Variants in SFI1 observed in about 807,000 individuals in gnomAD.
SFI1 encodes protein SFI1 homolog.
A neutral mutation model predicts 207.5 loss-of-function variants in SFI1; 195 were observed. The observed-to-expected ratio is 0.94, with a 90% confidence interval of 0.84 to 1.06. SFI1 has a LOEUF of 1.06. SFI1 is among the 50% of genes least tolerant of loss of function. The pLI is 0.00. For synonymous variants in SFI1, 630 were observed against 598.9 expected (o/e 1.05, Z -0.76); for missense variants, 1,634 against 1,588.0 (o/e 1.03, Z -0.49).
chr22:31,512,303 T>C (rs2055704286), intron 2 of SFI1, among the ~76,000 whole-genome samples: 1 of 148,762 alleles, frequency 6.7e-6, no homozygotes, highest in Admixed American at 6.8e-5. Context: ...TGCGGTAAGC[T>C]GAGATTGTGC....
intron 14 of SFI1, among the ~76,000 whole-genome samples, chr22:31,588,394 C>T (rs1444413419): frequency 6.6e-6 from 1 of 152,232 alleles, no homozygotes; most frequent in East Asian, 1.9e-4. Context: ...AGAACTCACA[C>T]AGTGCCACTT....
chr22:31,519,601 T>C (rs2056967111), intron 2 of SFI1, among the ~76,000 whole-genome samples: 1 of 151,850 alleles, frequency 6.6e-6, no homozygotes, highest in Non-Finnish European at 1.5e-5. Flanking sequence ...CACGCCCAGC[T>C]AATTTTTTGT....
intron 1 of SFI1, among the ~76,000 whole-genome samples, chr22:31,503,635 T>A (rs1234130555): frequency 6.8e-6 from 1 of 146,558 alleles, no homozygotes; most frequent in Non-Finnish European, 1.5e-5. Flanking sequence ...TTGCCCAGGC[T>A]GGAGTACAGT....
intron 1 of SFI1, 118 bp from the exon 2 acceptor site, chr22:31,508,137 T>G: frequency 2.1e-5 from 12 of 581,840 alleles, no homozygotes; most frequent in Middle Eastern, 3.2e-4. Context: ...CTAGCCCACA[T>G]TCATCTAGTG....
intron 24 of SFI1, among the ~76,000 whole-genome samples, chr22:31,612,614 C>G (rs181036762): frequency 6.6e-6 from 1 of 151,440 alleles, no homozygotes; most frequent in Admixed American, 6.6e-5. Flanking sequence ...CCCAACTACT[C>G]GGGAGGCTGA....
chr22:31,568,079 A>G (rs1951852002), intron 8 of SFI1, among the ~76,000 whole-genome samples: 1 of 152,014 alleles, frequency 6.6e-6, no homozygotes, highest in East Asian at 1.9e-4. Flanking sequence ...TCAATAGAAA[A>G]GAAAAGATTA....
intron 1 of SFI1, among the ~76,000 whole-genome samples, chr22:31,502,798 G>A (rs2054012706): frequency 6.6e-6 from 1 of 152,020 alleles, no homozygotes; most frequent in South Asian, 2.1e-4. Context: ...ATTCTCAATT[G>A]TCTGTTTATA....
chr22:31,500,988 G>A (rs1309034216), intron 1 of SFI1, among the ~76,000 whole-genome samples: 13 of 150,166 alleles, frequency 8.7e-5, no homozygotes, highest in African/African-American at 3.2e-4. Flanking sequence ...TTAGTAGAAC[G>A]GGGTTTCACC....
At chr22:31,505,209 T>A (rs5749287) in intron 1 of SFI1, among the ~76,000 whole-genome samples, 1 of 151,872 alleles carries the variant, frequency 6.6e-6, no homozygotes, top group East Asian at 1.9e-4. Flanking sequence ...GAGGCCGAGG[T>A]GGGCAGATCA....
chr22:31,581,142 A>G (rs1025410787), intron 12 of SFI1, among the ~76,000 whole-genome samples: 2 of 151,564 alleles, frequency 1.3e-5, no homozygotes, highest in African/African-American at 4.9e-5. Flanking sequence ...CACCACACCC[A>G]GCTAATTTTT....
intron 8 of SFI1, among the ~76,000 whole-genome samples, chr22:31,566,043 GCTTA>G (rs1480678488): frequency 6.6e-6 from 1 of 151,720 alleles, no homozygotes; most frequent in Non-Finnish European, 1.5e-5. Flanking sequence ...CCATTTATCT[GCTTA>G]CTTACTGATG....
intron 4 of SFI1, among the ~76,000 whole-genome samples, chr22:31,535,985 T>G (rs1023003721): frequency 5.9e-5 from 9 of 152,188 alleles, no homozygotes; most frequent in Admixed American, 5.9e-4. Context: ...TGTTTTTGTT[T>G]AGGGTTCAAA....
chr22:31,611,704 C>T, intron 23 of SFI1, 62 bp from the exon 24 acceptor site: 2 of 1,526,210 alleles, frequency 1.3e-6, no homozygotes, highest in South Asian at 1.2e-5. Context: ...TAGATCAGGA[C>T]CCACCCCAGG....
At chr22:31,590,986 T>TTTTTA (rs1556253157) in intron 15 of SFI1, among the ~76,000 whole-genome samples, 2 of 151,036 alleles carry the variant, frequency 1.3e-5, no homozygotes, top group Non-Finnish European at 3.0e-5. Context: ...TTTATTTTTT[T>TTTTTA]ATTGATAATT....
chr22:31,616,417 C>T (rs556472308), intron 29 of SFI1: 12 of 274,150 alleles, frequency 4.4e-5, no homozygotes, highest in Admixed American at 4.0e-4. Flanking sequence ...TCAGCAAGGT[C>T]ATGAGCTTAG....
intron 15 of SFI1, among the ~76,000 whole-genome samples, chr22:31,599,013 C>T (rs1175731388): frequency 1.3e-5 from 2 of 149,882 alleles, no homozygotes; most frequent in South Asian, 2.1e-4. Context: ...AGGCTGATCT[C>T]GAACTCCTAA....
chr22:31,557,975 A>T (rs1223197599), intron 7 of SFI1, among the ~76,000 whole-genome samples: 2 of 152,144 alleles, frequency 1.3e-5, no homozygotes, highest in Non-Finnish European at 2.9e-5. Flanking sequence ...TATATTAATA[A>T]TTCACTTCCT....
intron 6 of SFI1, among the ~76,000 whole-genome samples, chr22:31,555,948 A>G (rs989761755): frequency 3.3e-5 from 5 of 152,208 alleles, no homozygotes; most frequent in Non-Finnish European, 7.3e-5. Flanking sequence ...AATGATTTAT[A>G]TAATTTTATT....
chr22:31,562,983 T>TTATATATATATATATATATA (rs56072629), intron 8 of SFI1, among the ~76,000 whole-genome samples: 2,146 of 142,054 alleles, frequency 0.015, 23 homozygotes, highest in Non-Finnish European at 0.023. Context: ...TCATCATCTT[T>TTATATATATATATATATATA]TATATATATA....
Sources: allele counts gnomAD v4.1 joint callset (sites outside exome capture counted in the v4.1 genomes callset), GRCh38; gene constraint gnomAD v4.1.1; transcripts MANE v1.5; gene names NCBI Gene and HGNC (gene_info 2026-07-23, HGNC 2026-07-21).